ARHGEF7: variants seen among roughly 807,000 people sequenced by gnomAD.
ARHGEF7 encodes PAK-interacting exchange factor beta.
In ARHGEF7, 33 loss-of-function variants were observed where a neutral mutation model predicts 109.8. The observed-to-expected ratio is 0.30, with a 90% confidence interval of 0.23 to 0.40. The LOEUF (loss-of-function observed/expected upper bound fraction) is 0.40. Ranked by LOEUF, ARHGEF7 falls within the 10% of genes least tolerant of loss-of-function variation. The pLI, the probability that ARHGEF7 is intolerant of heterozygous loss-of-function variation, is 1.00. For synonymous variants in ARHGEF7, 458 were observed against 424.6 expected (o/e 1.08, Z -0.97); for missense variants, 938 against 1,098.5 (o/e 0.85, Z 2.07).
In ARHGEF7 at chr13:111,273,060, T is replaced by C. The variant is rs903883120; in HGVS notation, c.1074-754T>C. On this transcript the variant is annotated intron_variant, in intron 9 of 21. Transcript: ENST00000646102. The surrounding 1 kb of genome is among the most constrained non-coding windows in gnomAD (Gnocchi z 4.5). ...AGTTCTAAAACTTGTTTCTGACTCT[T>C]TAATTTTGGGATATGCACTGTTTCT... 3.3e-5 allele frequency among the ~76,000 whole-genome samples: 5 copies of C among 152,186 alleles called. No homozygotes were observed. The highest frequency in any genetic ancestry group is 7.3e-5 in the Non-Finnish European group (5 of 68,030).
chr13:111,125,090 C>G (rs973455085), intron 1 of ARHGEF7, among the ~76,000 whole-genome samples: 1 of 152,132 alleles, frequency 6.6e-6, no homozygotes, highest in Middle Eastern at 3.4e-3. Context: ...GAAGATGATG[C>G]TTGTGTTTCT....
intron 2 of ARHGEF7, among the ~76,000 whole-genome samples, chr13:111,177,205 A>G (rs1314235809): frequency 6.6e-6 from 1 of 152,210 alleles, no homozygotes; most frequent in Non-Finnish European, 1.5e-5. Flanking sequence ...GAGGCCTGGG[A>G]ACTGGGCCAG....
intron 1 of ARHGEF7, among the ~76,000 whole-genome samples, chr13:111,123,634 TTTCTC>T (rs1342866190): frequency 6.6e-6 from 1 of 152,206 alleles, no homozygotes; most frequent in African/African-American, 2.4e-5. Context: ...TCTCTAGTAT[TTTCTC>T]TATTCTCATT....
chr13:111,269,108 G>A (rs2091919789), intron 9 of ARHGEF7, among the ~76,000 whole-genome samples: 1 of 152,196 alleles, frequency 6.6e-6, no homozygotes, highest in Admixed American at 6.5e-5. Context: ...CATGTCCGCA[G>A]CATCTCCAAG....
intron 1 of ARHGEF7, among the ~76,000 whole-genome samples, chr13:111,128,112 G>A (rs2067698704): frequency 6.6e-6 from 1 of 152,096 alleles, no homozygotes; most frequent in South Asian, 2.1e-4. Flanking sequence ...GAGACTCAAT[G>A]GTGAAAGACT....
At chr13:111,283,526 G>C (rs952488387) in intron 16 of ARHGEF7, 163 bp downstream of exon 16, 16 of 800,508 alleles carry the variant, frequency 2.0e-5, no homozygotes, top group Non-Finnish European at 2.4e-5. Context: ...CTGCTCTGCT[G>C]CTGAGAGGCC....
intron 1 of ARHGEF7, chr13:111,153,510 G>C (rs2076017948): frequency 1.8e-6 from 1 of 561,086 alleles, no homozygotes; most frequent in Non-Finnish European, 2.3e-6. Context: ...CCCTCTACCG[G>C]ACCGAGGCCC....
chr13:111,128,491 TCAAA>T (rs957379619), intron 1 of ARHGEF7, among the ~76,000 whole-genome samples: 5 of 151,342 alleles, frequency 3.3e-5, no homozygotes, highest in Admixed American at 6.6e-5. Context: ...AGACCCTGTC[TCAAA>T]CAAGCAAACA....
chr13:111,242,300 T>C, intron 6 of ARHGEF7, among the ~76,000 whole-genome samples: 1 of 152,190 alleles, frequency 6.6e-6, no homozygotes, highest in Admixed American at 6.5e-5. Context: ...TCTCAGAGTT[T>C]ACAGTCAACA....
rs1357227591 is a variant in ARHGEF7 at position 111,239,524 on chromosome 13, C to A, written c.760-4348C>A. Among the ~76,000 whole-genome samples, 1 of 152,120 alleles carries A rather than the reference C, an allele frequency of 6.6e-6. No homozygotes were observed. The highest frequency in any genetic ancestry group is 1.5e-5 in the Non-Finnish European group (1 of 68,018). On this transcript the variant is annotated intron_variant, in intron 6 of 21. Coordinates refer to ENST00000646102, the MANE Select transcript of ARHGEF7 (RefSeq NM_001354046.2). This position sits in a 1 kb window ranked among gnomAD's most constrained non-coding sequence, Gnocchi z 4.3. The stretch of plus-strand genomic sequence containing the variant: ...CCATCCATCAGCAGTGACCCTAAAC[C>A]CTGGCGTTGCTTCGTCTCTTCATCT...
At chr13:111,181,639 T>C (rs969896832) in intron 2 of ARHGEF7, among the ~76,000 whole-genome samples, 1 of 152,206 alleles carries the variant, frequency 6.6e-6, no homozygotes, top group African/African-American at 2.4e-5. Context: ...TGCCTTGCCC[T>C]GAGGGAGTAT....
intron 2 of ARHGEF7, among the ~76,000 whole-genome samples, chr13:111,164,311 C>G (rs2076962638): frequency 6.6e-6 from 1 of 152,222 alleles, no homozygotes; most frequent in Non-Finnish European, 1.5e-5. Context: ...ATCCACTCCA[C>G]TGGCTGGGTT....
chr13:111,293,676 C>T lies in ARHGEF7; in HGVS notation c.2311+1382C>T, dbSNP rs1236310694. 8.1e-6 allele frequency: 8 copies of T among 985,244 alleles called. No individual in the cohort carries two copies. The Admixed American group carries it at 4.9e-4, about 61-fold the overall frequency. The allele number at this position is 985,244 out of a possible 1,614,324, so 61.0% of individuals were successfully genotyped here. ...TTGTGTTTTAAGTATTCATTGAAAC[C>T]AGCTTCAGAAAACAAGATGCCATAG... On this transcript the variant is annotated intron_variant, in intron 19 of 21. Transcript: ENST00000646102.
intron 20 of ARHGEF7, 30 bp from the exon 21 acceptor site, chr13:111,301,448 C>G (rs376573961): frequency 6.3e-7 from 1 of 1,599,710 alleles, no homozygotes; most frequent in East Asian, 2.2e-5. Context: ...TCACCTTGTT[C>G]ATGTGTGTGT....
rs72670011 is a variant in ARHGEF7 at position 111,123,190 on chromosome 13, G to C, written c.165+7499G>C. ...TGGCCAGTGTTAGTTCCTAGCCCAG[G>C]CCTTGGAAAGGCTTGCACTTTTCTG... On this transcript the variant is annotated intron_variant, in intron 1 of 21. Transcript: ENST00000646102. Among the ~76,000 whole-genome samples the C allele has an allele frequency of 1.2e-3, 187 of 152,310 alleles. 1 individual carries two copies. Among genetic ancestry groups the C allele is most frequent in the African/African-American group, 4.2e-3 (174 of 41,564 alleles).
Position 111,158,928 on chromosome 13 carries a change from C to T in ARHGEF7, c.252+4937C>T. On this transcript the variant is annotated intron_variant, in intron 2 of 21. Coordinates refer to ENST00000646102, the MANE Select transcript of ARHGEF7 (RefSeq NM_001354046.2). ...GAAATATACTTTAAATTATTGTTAA[C>T]TGTAGTCACCTGCTGTACAATAGAT... 7.5e-6 allele frequency: 5 copies of T among 664,014 alleles called. 1 individual carries two copies. Among genetic ancestry groups the T allele is most frequent in the South Asian group, 6.8e-5 (4 of 59,236 alleles). The allele number at this position is 664,014 out of a possible 1,614,324, so 41.1% of individuals were successfully genotyped here.
intron 19 of ARHGEF7, among the ~76,000 whole-genome samples, chr13:111,296,058 C>T (rs1049201825): frequency 6.6e-6 from 1 of 152,162 alleles, no homozygotes. Context: ...TGTGTGTCGT[C>T]AGATAAGGCC....
intron 1 of ARHGEF7, among the ~76,000 whole-genome samples, chr13:111,137,543 G>A (rs563586807): frequency 3.5e-4 from 54 of 152,304 alleles, no homozygotes; most frequent in African/African-American, 1.2e-3. Context: ...AGCAGACCCC[G>A]AGTGCTGCTT....
Position 111,273,387 on chromosome 13 carries a change from G to A in ARHGEF7, c.1074-427G>A, listed in dbSNP as rs544675157. On this transcript the variant is annotated intron_variant, in intron 9 of 21. Transcript: ENST00000646102. This position sits in a 1 kb window ranked among gnomAD's most constrained non-coding sequence, Gnocchi z 4.5. The stretch of plus-strand genomic sequence containing the variant: ...GCTGGACGAACTCGCATCTGGGGAT[G>A]ACTACCATCAGTGTGCTCTAGCTCT... Among the ~76,000 whole-genome samples the A allele has an allele frequency of 2.6e-5, 4 of 152,356 alleles. No homozygotes were observed. The highest frequency in any genetic ancestry group is 4.1e-4 in the South Asian group (2 of 4,820).
Sources: allele counts gnomAD v4.1 joint callset (sites outside exome capture counted in the v4.1 genomes callset), GRCh38; gene constraint gnomAD v4.1.1; non-coding constraint Gnocchi (gnomAD v3.1); transcripts MANE v1.5; gene names NCBI Gene and HGNC (gene_info 2026-07-23, HGNC 2026-07-21).